Variants in NTN1 observed in about 807,000 individuals in gnomAD.
NTN1 encodes netrin-1.
In NTN1, 11 loss-of-function variants were observed where a neutral mutation model predicts 54.2. The observed-to-expected ratio is 0.20, with a 90% CI of 0.13 to 0.34. The LOEUF is 0.34. Ranked by LOEUF, NTN1 falls within the 10% of genes least tolerant of loss-of-function variation. The pLI is 1.00. For synonymous variants in NTN1, 371 were observed against 382.0 expected (o/e 0.97, Z 0.33); for missense variants, 740 against 893.1 (o/e 0.83, Z 2.18).
intron 2 of NTN1, among the ~76,000 whole-genome samples, chr17:9,073,163 C>T (rs979597339): frequency 6.6e-6 from 1 of 152,236 alleles, no homozygotes; most frequent in Non-Finnish European, 1.5e-5. Flanking sequence ...AGCAGCCATG[C>T]ACAGGGGCCG....
At chr17:9,151,709 G>A (rs2092328037) in intron 2 of NTN1, among the ~76,000 whole-genome samples, 1 of 152,190 alleles carries the variant, frequency 6.6e-6, no homozygotes, top group Admixed American at 6.5e-5. Context: ...TTGGCTTCAG[G>A]GGCCTCTAAG....
In NTN1 at chr17:9,063,209, G is replaced by T. The variant is rs573291642; in HGVS notation, c.1018+39818G>T. On this transcript the variant is annotated intron_variant, in intron 2 of 6. Transcript: ENST00000173229. Reference sequence around the variant, plus strand: ...CCTCCCGGGTTCAAGTGATTATCCTGCCTCAGCCTCCTGAGTAGCTGGGAT... The same window carrying T: ...CCTCCCGGGTTCAAGTGATTATCCTTCCTCAGCCTCCTGAGTAGCTGGGAT... Among the ~76,000 whole-genome samples the T allele has an allele frequency of 8.2e-4, 125 of 151,632 alleles. 2 individuals are homozygous for T. The highest frequency in any genetic ancestry group is 6.5e-3 in the Admixed American group (99 of 15,242).
intron 2 of NTN1, among the ~76,000 whole-genome samples, chr17:9,063,220 C>T (rs2092004504): frequency 6.6e-6 from 1 of 151,976 alleles, no homozygotes; most frequent in Admixed American, 6.6e-5. Context: ...CCTCAGCCTC[C>T]TGAGTAGCTG....
intron 2 of NTN1, among the ~76,000 whole-genome samples, chr17:9,095,623 G>A (rs1056189160): frequency 6.6e-6 from 1 of 152,100 alleles, no homozygotes; most frequent in Non-Finnish European, 1.5e-5. Context: ...AATCATTTTA[G>A]GGCATGAATC....
intron 2 of NTN1, among the ~76,000 whole-genome samples, chr17:9,098,664 A>T (rs1420473922): frequency 6.6e-6 from 1 of 152,170 alleles, no homozygotes; most frequent in Non-Finnish European, 1.5e-5. Context: ...CTGCATATGA[A>T]GAAAACAAGC....
At chr17:9,115,054 G>A (rs970246013) in intron 2 of NTN1, among the ~76,000 whole-genome samples, 3 of 150,470 alleles carry the variant, frequency 2.0e-5, no homozygotes, top group African/African-American at 7.3e-5. Context: ...CAGGATGCTG[G>A]GGCGCCAGGC....
intron 2 of NTN1, among the ~76,000 whole-genome samples, chr17:9,116,240 C>T (rs971299999): frequency 1.1e-4 from 16 of 152,248 alleles, no homozygotes; most frequent in Non-Finnish European, 1.5e-4. Context: ...CATGGGCAGG[C>T]GGCATGGTGG....
chr17:9,195,744 C>T (rs767140070), intron 5 of NTN1, among the ~76,000 whole-genome samples: 20 of 152,272 alleles, frequency 1.3e-4, no homozygotes, highest in East Asian at 1.9e-4. Context: ...CCTATTGCAG[C>T]GGGCTCGCCT....
intron 5 of NTN1, among the ~76,000 whole-genome samples, chr17:9,217,389 T>C (rs930928678): frequency 2.0e-5 from 3 of 152,192 alleles, no homozygotes; most frequent in Non-Finnish European, 4.4e-5. Context: ...GGTTTCCTCA[T>C]TGTCTTTATG....
intron 2 of NTN1, among the ~76,000 whole-genome samples, chr17:9,127,501 G>A (rs1156503229): frequency 6.6e-6 from 1 of 152,134 alleles, no homozygotes; most frequent in Non-Finnish European, 1.5e-5. Flanking sequence ...GTAGCACTGG[G>A]GAGCGTGGTG....
chr17:9,044,202 T>G (rs1567697404), intron 2 of NTN1, among the ~76,000 whole-genome samples: 1 of 149,700 alleles, frequency 6.7e-6, no homozygotes, highest in African/African-American at 2.5e-5. Flanking sequence ...AATATTTTTT[T>G]AAATGTCCAA....
intron 2 of NTN1, among the ~76,000 whole-genome samples, chr17:9,044,721 T>C (rs908607712): frequency 1.8e-5 from 2 of 114,098 alleles, no homozygotes; most frequent in African/African-American, 7.0e-5. Context: ...ATTCTTGTTT[T>C]CCTTTTTGCC....
At chr17:9,162,496 A>G (rs2092359721) in intron 2 of NTN1, among the ~76,000 whole-genome samples, 1 of 152,164 alleles carries the variant, frequency 6.6e-6, no homozygotes, top group African/African-American at 2.4e-5. Context: ...ACACAGTCAT[A>G]CTGGCATAGG....
chr17:9,055,747 G>T (rs2091977270), intron 2 of NTN1, among the ~76,000 whole-genome samples: 1 of 151,958 alleles, frequency 6.6e-6, no homozygotes, highest in African/African-American at 2.4e-5. Flanking sequence ...TTTGAGACAG[G>T]GTCTCACTCT....
intron 2 of NTN1, among the ~76,000 whole-genome samples, chr17:9,145,961 A>G (rs2092312235): frequency 6.6e-6 from 1 of 150,864 alleles, no homozygotes; most frequent in African/African-American, 2.4e-5. Flanking sequence ...TTAGAAGAAC[A>G]GATGTGTTTG....
At chr17:9,007,995 G>C in the NTN1 span, among the ~76,000 whole-genome samples, 1 of 151,718 alleles carries the variant, frequency 6.6e-6, no homozygotes, top group Non-Finnish European at 1.5e-5. Context: ...CTCCCACCTC[G>C]GCTCCCCAAA....
chr17:9,171,300 T>C (rs1344079068), intron 3 of NTN1: 1 of 152,196 alleles, frequency 6.6e-6, no homozygotes, highest in Non-Finnish European at 1.5e-5. Context: ...TCATCCCACC[T>C]GCCCCCTCAT....
intron 2 of NTN1, among the ~76,000 whole-genome samples, chr17:9,140,707 C>T (rs976366449): frequency 6.6e-6 from 1 of 152,168 alleles, no homozygotes; most frequent in African/African-American, 2.4e-5. Context: ...ATGAACCTGT[C>T]ATGTAGGAGG....
intron 2 of NTN1, among the ~76,000 whole-genome samples, chr17:9,033,543 G>A (rs145982823): frequency 3.5e-4 from 54 of 152,210 alleles, no homozygotes; most frequent in African/African-American, 9.9e-4. Context: ...AGGCTGAGAC[G>A]GGAGGATTGC....
Sources: allele counts gnomAD v4.1 joint callset (sites outside exome capture counted in the v4.1 genomes callset), GRCh38; gene constraint gnomAD v4.1.1; transcripts MANE v1.5; gene names NCBI Gene and HGNC (gene_info 2026-07-23, HGNC 2026-07-21).